AP5M1: variants seen among roughly 807,000 people sequenced by gnomAD.
The protein encoded by AP5M1 is AP-5 complex subunit mu-1.
AP5M1 carries 44 observed loss-of-function variants against 52.3 expected under a neutral mutation model. The observed-to-expected ratio is 0.84, with a 90% confidence interval of 0.66 to 1.08. The LOEUF (loss-of-function observed/expected upper bound fraction) is 1.08. Ranked by LOEUF, AP5M1 falls within the 50% of genes least tolerant of loss-of-function variation. AP5M1 has a pLI of 0.00. For missense variants in AP5M1, 526 were observed against 568.4 expected (o/e 0.93, Z 0.76); for synonymous variants, 213 against 199.0 (o/e 1.07, Z -0.59).
At chr14:57,280,503 G>C (rs1757430329) in intron 3 of AP5M1, 81 bp downstream of exon 3, 1 of 935,170 alleles carries the variant, frequency 1.1e-6, no homozygotes, top group South Asian at 1.6e-5. Flanking sequence ...TCATACTCTT[G>C]GTATGAGAAC....
chr14:57,295,494 A>G lies in AP5M1; in HGVS notation c.*6610A>G, dbSNP rs1415325404. 1 of 151,938 alleles carries G rather than the reference A, an allele frequency of 6.6e-6. No homozygotes were observed. Among genetic ancestry groups the G allele is most frequent in the Admixed American group, 6.6e-5 (1 of 15,214 alleles). The allele number at this position is 151,938 out of a possible 1,614,324, so 9.4% of individuals were successfully genotyped here. The stretch of plus-strand genomic sequence containing the variant: ...TGAATGTTTACATTGTGTTTATTGA[A>G]GTGTTGAAAGAATATTTGTTGCATC... On this transcript the variant is annotated 3_prime_UTR_variant, in exon 8 of 8. Transcript: ENST00000261558.
At chr14:57,288,519 C>T (rs988566755) in intron 7 of AP5M1, among the ~76,000 whole-genome samples, 37 of 151,494 alleles carry the variant, frequency 2.4e-4, no homozygotes, top group Admixed American at 2.2e-3. Context: ...ATGGTCCATA[C>T]GAAAAAGATT....
At chr14:57,277,171 T>G (rs1334225978) in intron 2 of AP5M1, among the ~76,000 whole-genome samples, 2 of 151,860 alleles carry the variant, frequency 1.3e-5, no homozygotes, top group East Asian at 3.9e-4. Flanking sequence ...CTTCTAAAGT[T>G]GGGTTACATA....
intron 1 of AP5M1, chr14:57,271,149 C>T (rs938180639): frequency 6.6e-6 from 1 of 152,198 alleles, no homozygotes; most frequent in African/African-American, 2.4e-5. Flanking sequence ...ATTGTTTCTT[C>T]TTGCTCTGTA....
intron 7 of AP5M1, 32 bp downstream of exon 7, chr14:57,286,351 G>T: frequency 7.4e-7 from 1 of 1,357,038 alleles, no homozygotes; most frequent in East Asian, 2.3e-5. Flanking sequence ...TAACTTAAGG[G>T]AATTAAAATG....
chr14:57,275,164 A>C, intron 2 of AP5M1: 1 of 431,842 alleles, frequency 2.3e-6, no homozygotes, highest in Non-Finnish European at 4.2e-6. Flanking sequence ...GGGAACTTTC[A>C]GGGTAGAATC....
At chr14:57,284,824 A>G (rs963135856) in intron 6 of AP5M1, among the ~76,000 whole-genome samples, 2 of 152,174 alleles carry the variant, frequency 1.3e-5, no homozygotes, top group African/African-American at 4.8e-5. Flanking sequence ...GAATATACCT[A>G]AATTATTGAT....
Position 57,274,227 on chromosome 14 carries a change from CTGT to C in AP5M1, c.75-15_75-13del. 1.3e-6 allele frequency: 2 copies of C among 1,554,464 alleles called. No individual in the cohort carries two copies. Among genetic ancestry groups the C allele is most frequent in the Non-Finnish European group, 1.7e-6 (2 of 1,154,578 alleles). The stretch of plus-strand genomic sequence containing the variant: ...CTTGGAAGAATCATTTATAATGTTT[CTGT>C]TTCCGTAATGCAGACGGTATCCAAC... On this transcript the variant is annotated splice_polypyrimidine_tract_variant and intron_variant, in intron 1 of 7. Coordinates refer to ENST00000261558, the MANE Select transcript of AP5M1 (RefSeq NM_018229.4).
chr14:57,274,962 A>AT (rs1566514257), intron 2 of AP5M1, 73 bp downstream of exon 2: 1 of 1,523,746 alleles, frequency 6.6e-7, no homozygotes, highest in Non-Finnish European at 9.0e-7. Context: ...TGCTAGTTGT[A>AT]TTTTAAATAA....
At chr14:57,277,907 G>A (rs1885079715) in intron 2 of AP5M1, among the ~76,000 whole-genome samples, 1 of 152,070 alleles carries the variant, frequency 6.6e-6, no homozygotes, top group South Asian at 2.1e-4. Context: ...AAATGGACCA[G>A]ATACCTGTAG....
intron 7 of AP5M1, chr14:57,286,668 T>G (rs1319062142): frequency 8.3e-5 from 15 of 179,896 alleles, no homozygotes; most frequent in Non-Finnish European, 1.3e-4. Context: ...CTGTATAACT[T>G]TGGGCAAGTT....
intron 2 of AP5M1, among the ~76,000 whole-genome samples, chr14:57,279,096 G>A (rs577309269): frequency 4.2e-4 from 64 of 152,330 alleles, no homozygotes; most frequent in Middle Eastern, 3.4e-3. Flanking sequence ...ATGTAAATTA[G>A]TTTAATCATT....
chr14:57,282,334 AATTTT>A (rs1885201366), intron 4 of AP5M1, 106 bp downstream of exon 4: 6 of 835,616 alleles, frequency 7.2e-6, no homozygotes, highest in Non-Finnish European at 1.0e-5. Flanking sequence ...AGGTCTGAAC[AATTTT>A]ATTTTATTTA....
Position 57,291,866 on chromosome 14 carries a change from G to A in AP5M1, c.*2982G>A, listed in dbSNP as rs1885444513. On this transcript the variant is annotated 3_prime_UTR_variant, in exon 8 of 8. Transcript: ENST00000261558. ...ACTACCCCTGGGAGCTAGGTAGGTG[G>A]AATTATCATCCAGGCCTTCTGTAGG... 6.6e-6 allele frequency: 1 copy of A among 151,702 alleles called. No homozygotes were observed. The highest frequency in any genetic ancestry group is 2.1e-4 in the South Asian group (1 of 4,824). 9.4% of individuals were successfully genotyped at this position (151,702 alleles called of 1,614,324 possible).
At chr14:57,277,334 G>A (rs1038044644) in intron 2 of AP5M1, among the ~76,000 whole-genome samples, 1 of 152,026 alleles carries the variant, frequency 6.6e-6, no homozygotes, top group Admixed American at 6.5e-5. Flanking sequence ...CTTTACGAAT[G>A]TTAAGAGATT....
intron 1 of AP5M1, among the ~76,000 whole-genome samples, chr14:57,272,782 C>T (rs921664988): frequency 6.6e-6 from 1 of 152,148 alleles, no homozygotes; most frequent in Admixed American, 6.6e-5. Context: ...CTATGCCATG[C>T]CATTACTGGT....
chr14:57,274,879 T>C lies in AP5M1; in HGVS notation c.710T>C (p.Val237Ala). The stretch of plus-strand genomic sequence containing the variant: ...GATACATGGCAAGTTGTTGGAACAG[T>C]GACTTGCAAGGTGAGATTTTTCTCT... Reference protein sequence around the residue: ...IADTWQVVGTVTCKCDLEGIM... With the variant: ...IADTWQVVGTATCKCDLEGIM... Residue 237 changes from valine to alanine, a missense_variant, in exon 2 of 8, where the codon GTG (valine) becomes GCG (alanine). Val to Ala is a moderately conservative substitution (Grantham distance 64). Around this residue, in one of 3 missense-constraint regions of AP5M1, gnomAD observed 425 missense variants for 430.6 expected, o/e 0.99. Coordinates refer to ENST00000261558, the MANE Select transcript of AP5M1 (RefSeq NM_018229.4). 6.2e-7 allele frequency: 1 copy of C among 1,614,184 alleles called. No homozygotes were observed. Among genetic ancestry groups the C allele is most frequent in the East Asian group, 2.2e-5 (1 of 44,884 alleles).
intron 1 of AP5M1, among the ~76,000 whole-genome samples, chr14:57,272,896 T>TTGC: frequency 6.6e-6 from 1 of 150,862 alleles, no homozygotes; most frequent in South Asian, 2.1e-4. Context: ...TGTTTGTTTG[T>TTGC]TTGCTTGCTT....
chr14:57,293,085 A>G lies in AP5M1; in HGVS notation c.*4201A>G, dbSNP rs1433108407. Reference sequence around the variant, plus strand: ...ATAATTTTAAATTTTGAAATATTATATGGAATTTTGCACAGTATTTTGAGA... The same window carrying G: ...ATAATTTTAAATTTTGAAATATTATGTGGAATTTTGCACAGTATTTTGAGA... On this transcript the variant is annotated 3_prime_UTR_variant, in exon 8 of 8. Coordinates refer to ENST00000261558, the MANE Select transcript of AP5M1 (RefSeq NM_018229.4). 1 of 151,672 alleles carries G rather than the reference A, an allele frequency of 6.6e-6. No individual in the cohort carries two copies. Among genetic ancestry groups the G allele is most frequent in the Non-Finnish European group, 1.5e-5 (1 of 67,754 alleles). 9.4% of individuals were successfully genotyped at this position (151,672 alleles called of 1,614,324 possible). A position where few individuals can be genotyped will look rare whatever the true frequency, so the allele number is the denominator to read the frequency against.
Sources: gnomAD v4.1 joint callset for allele counts (sites outside exome capture counted in the v4.1 genomes callset) on GRCh38, gnomAD v4.1.1 for gene constraint, gnomAD v4.1.1 regional missense constraint, MANE v1.5 for transcripts, NCBI Gene and HGNC (gene_info 2026-07-23, HGNC 2026-07-21) for gene names.